APOLD1: variants seen among roughly 807,000 people sequenced by gnomAD.
APOLD1 encodes apolipoprotein L domain containing 1, also known as apolipoprotein L domain-containing protein 1.
Under a neutral mutation model 15.3 loss-of-function variants are expected in APOLD1, and 22 were observed. That is an observed-to-expected ratio of 1.44 (90% CI 1.03 to 2.05). The LOEUF (loss-of-function observed/expected upper bound fraction) is 2.05, where lower values mean the gene tolerates loss of function less well. Ranked by LOEUF, APOLD1 falls within the 30% of genes most tolerant of loss-of-function variation. APOLD1 has a pLI of 0.00. For missense variants in APOLD1, 394 were observed against 353.5 expected (o/e 1.11, Z -0.92); for synonymous variants, 190 against 167.4 (o/e 1.13, Z -1.04).
upstream of APOLD1, among the ~76,000 whole-genome samples, chr12:12,785,027 T>C (rs181496594): frequency 2.9e-4 from 44 of 152,334 alleles, no homozygotes; most frequent in African/African-American, 1.0e-3. Flanking sequence ...TTCTGATGCA[T>C]GTGACCTGGA....
chr12:12,751,617 C>G (rs1418495996), intron 1 of APOLD1, among the ~76,000 whole-genome samples: 2 of 132,918 alleles, frequency 1.5e-5, no homozygotes, highest in African/African-American at 2.5e-5. Context: ...TACCAAAGTG[C>G]TAGGACTATA....
At chr12:12,767,759 G>A (rs1228209403) in intron 1 of APOLD1, among the ~76,000 whole-genome samples, 5 of 151,734 alleles carry the variant, frequency 3.3e-5, no homozygotes, top group Non-Finnish European at 5.9e-5. Flanking sequence ...TAAAGTACAT[G>A]AAAGGAGGTG....
intron 1 of APOLD1, among the ~76,000 whole-genome samples, chr12:12,756,685 G>A (rs889177587): frequency 6.6e-6 from 1 of 152,084 alleles, no homozygotes; most frequent in Non-Finnish European, 1.5e-5. Context: ...CTTCTCCCCT[G>A]TCCCCTGGAA....
intron 1 of APOLD1, among the ~76,000 whole-genome samples, chr12:12,733,348 A>G (rs1452586219): frequency 1.3e-5 from 2 of 152,248 alleles, no homozygotes; most frequent in Non-Finnish European, 2.9e-5. Flanking sequence ...ATATGGCTTA[A>G]TGTTAAAGTT....
In APOLD1 at chr12:12,746,332, C is replaced by T. The variant is rs113592471; in HGVS notation, c.96+20236C>T. 8.1e-3 allele frequency among the ~76,000 whole-genome samples: 1,233 copies of T among 152,172 alleles called. 9 individuals carry two copies. Among genetic ancestry groups the T allele is most frequent in the African/African-American group, 0.027 (1,129 of 41,498 alleles). ...CCAACATGGTGAAACCCTGTCTCTA[C>T]ATAAAATACAAACATTAGCTGCGTG... On this transcript the variant is annotated intron_variant, in intron 1 of 1. Transcript: ENST00000326765.
At position 12,774,546 on chromosome 12, in the gene APOLD1, C is replaced by CAAAAA. The variant is rs57343706; in HGVS notation, c.97-12339_97-12335dup. Among the ~76,000 whole-genome samples the CAAAAA allele has an allele frequency of 1.8e-3, 78 of 42,288 alleles. 1 individual carries two copies. The highest frequency in any genetic ancestry group is 2.6e-3 in the Non-Finnish European group (58 of 22,548). The allele number at this position is 42,288 out of a possible 152,430, so 27.7% of individuals were successfully genotyped here. ...GGGTGACACAGCGAGACTCTAACTCCAAAAAAAAAAAAAAAAAAAAAAAAA... is the reference window on the plus strand; with the variant it reads ...GGGTGACACAGCGAGACTCTAACTCCAAAAAAAAAAAAAAAAAAAAAAAAAAAAAA... On this transcript the variant is annotated intron_variant, in intron 1 of 1. Coordinates refer to the APOLD1 transcript ENST00000326765.
At chr12:12,748,896 T>C (rs1055564093) in intron 1 of APOLD1, among the ~76,000 whole-genome samples, 9 of 152,126 alleles carry the variant, frequency 5.9e-5, no homozygotes, top group Non-Finnish European at 1.0e-4. Flanking sequence ...GATATTGCCA[T>C]TTCATATTTC....
chr12:12,746,496 C>CAAATAAATAAAT (rs757082166), intron 1 of APOLD1, among the ~76,000 whole-genome samples: 310 of 140,026 alleles, frequency 2.2e-3, no homozygotes, highest in Middle Eastern at 7.1e-3. Flanking sequence ...AACTCCATCT[C>CAAATAAATAAAT]AAATAAATAA....
intron 1 of APOLD1, among the ~76,000 whole-genome samples, chr12:12,749,122 C>T (rs1170583683): frequency 6.6e-6 from 1 of 152,038 alleles, no homozygotes; most frequent in African/African-American, 2.4e-5. Context: ...GCAGTCTCTG[C>T]AACAGTCTTT....
chr12:12,777,889 G>GTTTTTTTTTTTTTTTTTTTT (rs71436735), intron 1 of APOLD1, among the ~76,000 whole-genome samples: 3 of 117,140 alleles, frequency 2.6e-5, no homozygotes, highest in African/African-American at 3.7e-5. Context: ...AAGGAAAGGT[G>GTTTTTTTTTTTTTTTTTTTT]TTTTTTTTTT....
At chr12:12,748,820 A>G in intron 1 of APOLD1, among the ~76,000 whole-genome samples, 1 of 152,236 alleles carries the variant, frequency 6.6e-6, no homozygotes, top group South Asian at 2.1e-4. Context: ...GGACGTGGAA[A>G]TATAAAGGCT....
At chr12:12,744,020 A>G (rs1008826250) in intron 1 of APOLD1, among the ~76,000 whole-genome samples, 1 of 152,242 alleles carries the variant, frequency 6.6e-6, no homozygotes, top group Non-Finnish European at 1.5e-5. Context: ...ACTGCAAGAT[A>G]TTAAATTGAT....
chr12:12,738,069 T>C (rs1946703300), intron 1 of APOLD1, among the ~76,000 whole-genome samples: 1 of 152,164 alleles, frequency 6.6e-6, no homozygotes, highest in Non-Finnish European at 1.5e-5. Flanking sequence ...GTAAAGAACT[T>C]ACAACAAGGC....
intron 1 of APOLD1, among the ~76,000 whole-genome samples, chr12:12,785,992 G>C (rs1027297780): frequency 2.6e-5 from 4 of 152,264 alleles, no homozygotes; most frequent in African/African-American, 7.2e-5. Context: ...TAATAATGAA[G>C]AGTACAGTGG....
chr12:12,776,323 G>A (rs1316191839), intron 1 of APOLD1, among the ~76,000 whole-genome samples: 1 of 152,186 alleles, frequency 6.6e-6, no homozygotes, highest in East Asian at 1.9e-4. Flanking sequence ...TATAATCCAG[G>A]CTGCAATACT....
chr12:12,725,932 G>C, exon 1 of APOLD1: 1 of 1,300,922 alleles, frequency 7.7e-7, no homozygotes, highest in Non-Finnish European at 1.0e-6. Flanking sequence ...GCAGGCAGGC[G>C]GGGGTGCGCG....
intron 1 of APOLD1, among the ~76,000 whole-genome samples, chr12:12,734,833 G>A (rs1946671049): frequency 6.6e-6 from 1 of 152,172 alleles, no homozygotes; most frequent in Non-Finnish European, 1.5e-5. Flanking sequence ...CCTTTACTAA[G>A]GCCAGGCTCT....
intron 1 of APOLD1, among the ~76,000 whole-genome samples, chr12:12,775,671 C>G (rs181661215): frequency 1.6e-3 from 236 of 152,214 alleles, no homozygotes; most frequent in Middle Eastern, 3.4e-3. Context: ...AATTCAAGAG[C>G]AAATAGAGTT....
At chr12:12,770,445 T>C (rs1946978258) in intron 1 of APOLD1, among the ~76,000 whole-genome samples, 2 of 150,576 alleles carry the variant, frequency 1.3e-5, no homozygotes, top group East Asian at 2.0e-4. Context: ...AACACTGCAA[T>C]AGAAATGAAA....
Sources: gnomAD v4.1 joint callset for allele counts (sites outside exome capture counted in the v4.1 genomes callset) on GRCh38, gnomAD v4.1.1 for gene constraint, MANE v1.5 for transcripts, NCBI Gene and HGNC (gene_info 2026-07-23, HGNC 2026-07-21) for gene names.